The following GOLGA5 variants were observed in gnomAD, a reference collection of about 807,000 sequenced individuals.
GOLGA5 encodes golgin A5.
GOLGA5 carries 50 observed loss-of-function variants against 93.5 expected under a neutral mutation model. That is an observed-to-expected ratio of 0.53 (90% CI 0.43 to 0.68). The LOEUF is 0.68. Ranked by LOEUF, GOLGA5 falls within the 30% of genes least tolerant of loss-of-function variation. GOLGA5 has a pLI of 0.00. For synonymous variants in GOLGA5, 312 were observed against 304.5 expected (o/e 1.02, Z -0.26); for missense variants, 760 against 856.4 (o/e 0.89, Z 1.40).
In GOLGA5 at chr14:92,811,728, A is replaced by C. The variant is rs1439023376; in HGVS notation, c.1294A>C (p.Lys432Gln). Reference sequence around the variant, plus strand: ...CTCTAAGCAGGAATTAATTGACTACAAGCAAAAAGCTACTAGAATACTGCA... The same window carrying C: ...CTCTAAGCAGGAATTAATTGACTACCAGCAAAAAGCTACTAGAATACTGCA... Reference protein sequence around the residue: ...ESSKQELIDYKQKATRILQSK... With the variant: ...ESSKQELIDYQQKATRILQSK... The change falls in exon 6 of 13, where the codon AAG (lysine) becomes CAG (glutamine). Residue 432 changes from lysine to glutamine, a missense_variant. By Grantham distance (53) the Lys-to-Gln change is moderately conservative (BLOSUM62 1). Coordinates refer to ENST00000163416, the MANE Select transcript of GOLGA5 (RefSeq NM_005113.4). 6.2e-7 allele frequency: 1 copy of C among 1,612,002 alleles called. No individual in the cohort carries two copies. The highest frequency in any genetic ancestry group is 8.5e-7 in the Non-Finnish European group (1 of 1,178,386).
chr14:92,834,807 AG>A (rs1454635397), intron 10 of GOLGA5, among the ~76,000 whole-genome samples: 1 of 152,246 alleles, frequency 6.6e-6, no homozygotes, highest in Non-Finnish European at 1.5e-5. Context: ...TAGACTGCAC[AG>A]GGCTAAAAGT....
At chr14:92,800,754 A>G (rs1054580015) in intron 2 of GOLGA5, among the ~76,000 whole-genome samples, 1 of 152,210 alleles carries the variant, frequency 6.6e-6, no homozygotes, top group Admixed American at 6.5e-5. Flanking sequence ...AGTGGCTGCC[A>G]TAGCCAGTGT....
At chr14:92,803,417 A>G (rs1453932281) in intron 2 of GOLGA5, among the ~76,000 whole-genome samples, 2 of 152,248 alleles carry the variant, frequency 1.3e-5, no homozygotes, top group East Asian at 3.8e-4. Flanking sequence ...TATCAAATGA[A>G]TTGGAAAGTA....
At chr14:92,796,442 G>C (rs548892552) in intron 1 of GOLGA5, among the ~76,000 whole-genome samples, 34 of 152,336 alleles carry the variant, frequency 2.2e-4, no homozygotes, top group Middle Eastern at 3.4e-3. Flanking sequence ...TTTGCTTGCA[G>C]ATGTCTGCCT....
Position 92,797,581 on chromosome 14 carries a change from A to G in GOLGA5, c.144A>G (p.Gln48=). ...CTGACTATACTGAACTTCACCAGCA[A>G]AATACAGATTTGATATATCAGACTG... is the stretch of plus-strand genomic sequence containing the variant. The part of the protein sequence containing the change: ...KNTDYTELHQ[Q]NTDLIYQTGP... Residue 48 remains glutamine (Q), a synonymous_variant, in exon 2 of 13, where the codon CAA becomes CAG. Coordinates refer to ENST00000163416, the MANE Select transcript of GOLGA5 (RefSeq NM_005113.4). 6.2e-7 allele frequency: 1 copy of G among 1,613,780 alleles called. No individual in the cohort carries two copies. Among genetic ancestry groups the G allele is most frequent in the Non-Finnish European group, 8.5e-7 (1 of 1,179,666 alleles).
At chr14:92,801,219 T>C (rs766844346) in intron 2 of GOLGA5, among the ~76,000 whole-genome samples, 29 of 152,238 alleles carry the variant, frequency 1.9e-4, no homozygotes, top group Non-Finnish European at 3.4e-4. Context: ...TCAGCTACAC[T>C]AGTAATGCCA....
intron 2 of GOLGA5, among the ~76,000 whole-genome samples, chr14:92,799,595 T>TTTTA (rs1023700446): frequency 1.8e-4 from 26 of 144,778 alleles, no homozygotes; most frequent in South Asian, 6.6e-4. Context: ...TTTTTAATGT[T>TTTTA]TTTATTTATT....
chr14:92,833,187 A>G lies in GOLGA5; in HGVS notation c.1785A>G (p.Thr595=). The G allele has an allele frequency of 6.2e-7, 1 of 1,613,448 alleles. No homozygotes were observed. The highest frequency in any genetic ancestry group is 8.5e-7 in the Non-Finnish European group (1 of 1,179,364). ...SELENRLHQL[T]ETLIQKQTML... ...TAGAAAATCGACTCCATCAGCTAAC[A>G]GAGACTCTCATCCAGAAACAGACCA... The change falls in exon 10 of 13, where the codon ACA becomes ACG. Residue 595 remains threonine (T), a synonymous_variant. Transcript: ENST00000163416.
rs765970582 is a variant in GOLGA5, at chr14:92,809,368, C to T, written c.841C>T (p.Arg281Ter). The change falls in exon 4 of 13, where the codon CGA (arginine) becomes TGA (stop). Residue 281 changes from arginine to a stop codon, truncating the protein, a stop_gained. Coordinates refer to ENST00000163416, the MANE Select transcript of GOLGA5 (RefSeq NM_005113.4). LOFTEE classifies it high-confidence loss of function. ...ADHSKSDRMT[R>*]GLRAQVDDLT... ...CCATTCAAAGAGTGATCGAATGACT[C>T]GAGGACTCCGAGCCCAAGTAGATGA... is the stretch of plus-strand genomic sequence containing the variant. 1.2e-6 allele frequency: 2 copies of T among 1,613,232 alleles called. No homozygotes were observed. Among genetic ancestry groups the T allele is most frequent in the Non-Finnish European group, 1.7e-6 (2 of 1,179,230 alleles).
chr14:92,817,072 C>T (rs554863057), intron 7 of GOLGA5, among the ~76,000 whole-genome samples: 126 of 152,174 alleles, frequency 8.3e-4, no homozygotes, highest in African/African-American at 2.9e-3. Context: ...TCTTGAGTAG[C>T]TGGGATTACA....
In GOLGA5 at chr14:92,804,254, C is replaced by T. The variant is rs545716618; in HGVS notation, c.545-2482C>T. Among the ~76,000 whole-genome samples the T allele has an allele frequency of 2.6e-5, 4 of 151,810 alleles. No homozygotes were observed. In the South Asian group the frequency reaches 6.2e-4, roughly 24 times the overall value. ...ATTATTTAAAAATTTTTTGTAGAGACGAGTTCTCACTGTATTGCCCGGGCT... is the reference window on the plus strand; with the variant it reads ...ATTATTTAAAAATTTTTTGTAGAGATGAGTTCTCACTGTATTGCCCGGGCT... On this transcript the variant is annotated intron_variant, in intron 2 of 12. Coordinates refer to ENST00000163416, the MANE Select transcript of GOLGA5 (RefSeq NM_005113.4).
intron 9 of GOLGA5, among the ~76,000 whole-genome samples, chr14:92,827,541 C>G (rs1885447625): frequency 6.6e-6 from 1 of 152,154 alleles, no homozygotes. Flanking sequence ...GTCTTTAAGA[C>G]ACAGCAATAT....
chr14:92,813,620 A>C (rs751487177), intron 6 of GOLGA5, among the ~76,000 whole-genome samples: 11 of 152,204 alleles, frequency 7.2e-5, no homozygotes, highest in Non-Finnish European at 1.6e-4. Flanking sequence ...AAAGACTCAT[A>C]AAGTTCAACG....
chr14:92,839,405 TA>T lies in GOLGA5; in HGVS notation c.2156del (p.Tyr719SerfsTer38). The T allele has an allele frequency of 6.2e-7, 1 of 1,612,412 alleles. No homozygotes were observed. The highest frequency in any genetic ancestry group is 8.5e-7 in the Non-Finnish European group (1 of 1,179,178). Reference protein sequence around the residue: ...HLWVMIVLLTYTPEMHHDQPY... With the variant: ...HLWVMIVLLTXTPEMHHDQPY... ...CTGGGTCATGATTGTTCTGTTGACTTACACACCAGAAATGCACCACGACCAA... is the reference window on the plus strand; with the variant it reads ...CTGGGTCATGATTGTTCTGTTGACTTCACACCAGAAATGCACCACGACCAA... On this transcript the variant is annotated frameshift_variant, in exon 13 of 13. Transcript: ENST00000163416. LOFTEE classifies it high-confidence loss of function.
intron 4 of GOLGA5, among the ~76,000 whole-genome samples, chr14:92,809,835 T>A (rs1885068263): frequency 6.6e-6 from 1 of 152,162 alleles, no homozygotes; most frequent in Non-Finnish European, 1.5e-5. Context: ...GGCACATGCC[T>A]GTAATCCCAG....
At chr14:92,830,676 T>C (rs1314204343) in intron 9 of GOLGA5, among the ~76,000 whole-genome samples, 1 of 152,174 alleles carries the variant, frequency 6.6e-6, no homozygotes, top group Admixed American at 6.5e-5. Context: ...CACAGCTCAC[T>C]GCAGCCTTGA....
intron 10 of GOLGA5, among the ~76,000 whole-genome samples, chr14:92,833,993 CTTTT>C (rs763505759): frequency 7.6e-6 from 1 of 131,768 alleles, no homozygotes; most frequent in Non-Finnish European, 1.7e-5. Context: ...AGTGTCACTT[CTTTT>C]TTTTTTTTAA....
At chr14:92,795,744 A>G (rs1884712191) in intron 1 of GOLGA5, among the ~76,000 whole-genome samples, 1 of 152,224 alleles carries the variant, frequency 6.6e-6, no homozygotes, top group Non-Finnish European at 1.5e-5. Flanking sequence ...AAAATACGTA[A>G]TTATAAAACA....
At chr14:92,827,440 G>A (rs1885446102) in intron 9 of GOLGA5, among the ~76,000 whole-genome samples, 1 of 152,120 alleles carries the variant, frequency 6.6e-6, no homozygotes, top group African/African-American at 2.4e-5. Context: ...ATCCACATAA[G>A]ACAGTGAACT....
Sources: gnomAD v4.1 joint callset for allele counts (sites outside exome capture counted in the v4.1 genomes callset) on GRCh38, gnomAD v4.1.1 for gene constraint, MANE v1.5 for transcripts, NCBI Gene and HGNC (gene_info 2026-07-23, HGNC 2026-07-21) for gene names.